Variants in SLC30A9 observed in about 807,000 individuals in gnomAD.
SLC30A9 encodes proton-coupled zinc antiporter SLC30A9, mitochondrial.
SLC30A9 carries 58 observed loss-of-function variants against 87.5 expected under a neutral mutation model. The observed-to-expected ratio is 0.66, with a 90% CI of 0.54 to 0.82. The LOEUF is 0.82. SLC30A9 is among the 40% of genes least tolerant of loss of function. SLC30A9 has a pLI of 0.00. For missense variants in SLC30A9, 557 were observed against 679.1 expected (o/e 0.82, Z 2.00); for synonymous variants, 234 against 233.0 (o/e 1.00, Z -0.04).
chr4:41,997,992 T>C lies in SLC30A9; in HGVS notation c.110-3624T>C, dbSNP rs183346427. On this transcript the variant is annotated intron_variant, in intron 1 of 17. Transcript: ENST00000264451. Reference sequence around the variant, plus strand: ...AAATCTTTTTGTTTATTTTTAGTTGTTGTTGCGGAAGCAACGTATACAGTA... The same window carrying C: ...AAATCTTTTTGTTTATTTTTAGTTGCTGTTGCGGAAGCAACGTATACAGTA... Among the ~76,000 whole-genome samples, 209 of 152,390 alleles carry C rather than the reference T, an allele frequency of 1.4e-3. 3 individuals are homozygous for C. The highest frequency in any genetic ancestry group is 1.6e-3 in the Non-Finnish European group (107 of 68,032).
intron 1 of SLC30A9, among the ~76,000 whole-genome samples, chr4:41,999,343 A>G (rs954882299): frequency 1.3e-5 from 2 of 152,208 alleles, no homozygotes. Flanking sequence ...TGAGTAGTAA[A>G]TGAAGGAGTA....
chr4:42,077,569 A>C (rs1718606542), intron 16 of SLC30A9, among the ~76,000 whole-genome samples: 1 of 151,856 alleles, frequency 6.6e-6, no homozygotes, highest in Non-Finnish European at 1.5e-5. Context: ...ACACCCGGTT[A>C]ATTTTTCTAT....
intron 6 of SLC30A9, among the ~76,000 whole-genome samples, chr4:42,028,945 CAG>C (rs1716303097): frequency 6.6e-6 from 1 of 152,212 alleles, no homozygotes; most frequent in Non-Finnish European, 1.5e-5. Flanking sequence ...CAGGGGAAAA[CAG>C]TGCTTAAATA....
Position 42,049,493 on chromosome 4 carries a change from C to CT in SLC30A9, c.840+21dup. The CT allele has an allele frequency of 2.2e-6, 3 of 1,383,494 alleles. No individual in the cohort carries two copies. The highest frequency in any genetic ancestry group is 3.0e-6 in the Non-Finnish European group (3 of 1,007,740). The allele number at this position is 1,383,494 out of a possible 1,614,324, so 85.7% of individuals were successfully genotyped here. ...ACTTGTAATCAGGTGAGGACTAAAGCTTTTTTTATAAGTCAATTTTAAAGT... is the reference window on the plus strand; with the variant it reads ...ACTTGTAATCAGGTGAGGACTAAAGCTTTTTTTTATAAGTCAATTTTAAAGT... On this transcript the variant is annotated intron_variant, in intron 9 of 17. Transcript: ENST00000264451.
intron 6 of SLC30A9, among the ~76,000 whole-genome samples, chr4:42,031,028 A>G (rs1423525520): frequency 9.9e-5 from 15 of 152,204 alleles, no homozygotes; most frequent in Admixed American, 9.8e-4. Flanking sequence ...ATGCAGTTGT[A>G]CAGTTTTATT....
chr4:42,080,398 G>A (rs1344794343), intron 17 of SLC30A9, among the ~76,000 whole-genome samples: 1 of 152,208 alleles, frequency 6.6e-6, no homozygotes, highest in East Asian at 1.9e-4. Context: ...GGCAGAAGAA[G>A]TGCATAGGGC....
chr4:42,063,061 A>C lies in SLC30A9; in HGVS notation c.972A>C (p.Leu324=), dbSNP rs1366935162. The change falls in exon 11 of 18, where the codon CTA becomes CTC. Residue 324 remains leucine (L), a synonymous_variant. Coordinates refer to ENST00000264451, the MANE Select transcript of SLC30A9 (RefSeq NM_006345.4). ...GVGIFMMGAG[L]SWYHGVMGLL... ...GTATTTTCATGATGGGTGCAGGACTATCTTGGTACCATGGAGTCATGGGAT... is the reference window on the plus strand; with the variant it reads ...GTATTTTCATGATGGGTGCAGGACTCTCTTGGTACCATGGAGTCATGGGAT... 2 of 1,613,430 alleles carry C rather than the reference A, an allele frequency of 1.2e-6. No individual in the cohort carries two copies. Among genetic ancestry groups the C allele is most frequent in the African/African-American group, 2.7e-5 (2 of 74,906 alleles).
At chr4:42,015,121 T>C (rs925649301) in intron 2 of SLC30A9, among the ~76,000 whole-genome samples, 1 of 152,328 alleles carries the variant, frequency 6.6e-6, no homozygotes, top group Non-Finnish European at 1.5e-5. Context: ...TACCCTGATA[T>C]GATTATTACA....
chr4:42,045,472 A>T (rs1003975982), intron 8 of SLC30A9, among the ~76,000 whole-genome samples: 1 of 152,120 alleles, frequency 6.6e-6, no homozygotes, highest in African/African-American at 2.4e-5. Flanking sequence ...GAAGAAATGG[A>T]TAAATTCCTG....
rs1718635713 is a variant in SLC30A9, at chr4:42,078,313, G to A, written c.1650G>A (p.Glu550=). 1.3e-6 allele frequency: 2 copies of A among 1,488,158 alleles called. No homozygotes were observed. Among genetic ancestry groups the A allele is most frequent in the Non-Finnish European group, 9.3e-7 (1 of 1,080,282 alleles). 92.2% of individuals were successfully genotyped at this position (1,488,158 alleles called of 1,614,324 possible). ...DTLGAEVDRL[E]KELKKRNPEV... ...TAGGAGCTGAAGTAGATAGACTTGA[G>A]AAGGAACTGAAAGTAAGATGTATTC... The change falls in exon 17 of 18, where the codon GAG becomes GAA. Residue 550 remains glutamate, a synonymous_variant. Transcript: ENST00000264451.
chr4:42,011,919 A>ACTCC (rs1715461863), intron 2 of SLC30A9, among the ~76,000 whole-genome samples: 1 of 152,200 alleles, frequency 6.6e-6, no homozygotes. Flanking sequence ...TCAGTAGGAG[A>ACTCC]GTTAGTAAAT....
chr4:42,013,821 G>A (rs1453916743), intron 2 of SLC30A9, among the ~76,000 whole-genome samples: 1 of 152,192 alleles, frequency 6.6e-6, no homozygotes, highest in Non-Finnish European at 1.5e-5. Context: ...AACTCTCCAG[G>A]ATATTGGACT....
At chr4:42,049,563 G>A in intron 9 of SLC30A9, 84 bp downstream of exon 9, 1 of 684,358 alleles carries the variant, frequency 1.5e-6, no homozygotes, top group Non-Finnish European at 2.3e-6. Flanking sequence ...TTTTAAAACT[G>A]AATGATTCCA....
At chr4:42,003,186 G>C (rs1040140676) in intron 2 of SLC30A9, among the ~76,000 whole-genome samples, 13 of 152,114 alleles carry the variant, frequency 8.5e-5, no homozygotes, top group Non-Finnish European at 2.9e-5. Flanking sequence ...TTCACAAAAT[G>C]TGGTCTGTAT....
chr4:42,022,154 C>G (rs1478080466), intron 4 of SLC30A9, among the ~76,000 whole-genome samples: 2 of 151,386 alleles, frequency 1.3e-5, no homozygotes, highest in South Asian at 4.2e-4. Flanking sequence ...AGTCTAGTCT[C>G]GAACTCCTGA....
In SLC30A9 at chr4:42,039,012, T is replaced by C. The variant is rs1454061415; in HGVS notation, c.696T>C (p.Phe232=). 9.9e-6 allele frequency: 16 copies of C among 1,613,758 alleles called. No individual in the cohort carries two copies. Among genetic ancestry groups the C allele is most frequent in the Non-Finnish European group, 1.4e-5 (16 of 1,179,848 alleles). The change falls in exon 8 of 18, where the codon TTT becomes TTC. Residue 232 remains phenylalanine, a synonymous_variant. Coordinates refer to ENST00000264451, the MANE Select transcript of SLC30A9 (RefSeq NM_006345.4). ...TKPRSRTASV[F]FKGPGKVVMV... is the part of the protein sequence containing the mutation. ...CACGCTCCAGAACAGCATCAGTGTT[T>C]TTTAAGGGACCAGGAAAAGTGGTGA...
chr4:42,022,217 G>A (rs1389475342), intron 4 of SLC30A9, among the ~76,000 whole-genome samples: 1 of 148,704 alleles, frequency 6.7e-6, no homozygotes, highest in African/African-American at 2.5e-5. Flanking sequence ...TTACAGGTGT[G>A]AGCTACCGCA....
intron 6 of SLC30A9, 104 bp downstream of exon 6, chr4:42,023,488 T>G (rs1478482690): frequency 1.5e-6 from 1 of 657,166 alleles, no homozygotes; most frequent in African/African-American, 1.8e-5. Context: ...TGGCCTAGGC[T>G]CTGTTGCTTC....
At position 42,049,324 on chromosome 4, in the gene SLC30A9, G is replaced by A; in HGVS notation, c.738-53G>A. 1.8e-6 allele frequency: 2 copies of A among 1,106,564 alleles called. 1 individual carries two copies. Among genetic ancestry groups the A allele is most frequent in the South Asian group, 2.7e-5 (2 of 74,406 alleles). The allele number at this position is 1,106,564 out of a possible 1,614,324, so 68.5% of individuals were successfully genotyped here. A position where few individuals can be genotyped will look rare whatever the true frequency, so the allele number is the denominator to read the frequency against. On this transcript the variant is annotated intron_variant, in intron 8 of 17. Transcript: ENST00000264451. ...TATACAGCTGATTGAGTATGCTTTT[G>A]GCTTAAATTTTTGTCCAAACCTATG...
Sources: gnomAD v4.1 joint callset for allele counts (sites outside exome capture counted in the v4.1 genomes callset) on GRCh38, gnomAD v4.1.1 for gene constraint, MANE v1.5 for transcripts, NCBI Gene and HGNC (gene_info 2026-07-23, HGNC 2026-07-21) for gene names.